Variants in CCDC158 observed in about 807,000 individuals in gnomAD.
CCDC158 encodes coiled-coil domain-containing protein 158.
A neutral mutation model predicts 138.6 loss-of-function variants in CCDC158; 116 were observed. The ratio of observed to expected loss-of-function variants is 0.84; its 90% CI spans 0.72 to 0.98. The LOEUF (loss-of-function observed/expected upper bound fraction) is 0.98. Ranked by LOEUF, CCDC158 falls within the 50% of genes least tolerant of loss-of-function variation. The pLI, the probability that CCDC158 is intolerant of heterozygous loss-of-function variation, is 0.00. For synonymous variants in CCDC158, 436 were observed against 442.4 expected, an observed-to-expected ratio of 0.99 and a Z score of 0.18; for missense variants, 1,265 against 1,306.1, an observed-to-expected ratio of 0.97 and a Z score of 0.48.
At chr4:76,383,541 A>G (rs1309018190) in intron 7 of CCDC158, 121 bp downstream of exon 7, 2 of 690,370 alleles carry the variant, frequency 2.9e-6, no homozygotes, top group African/African-American at 1.8e-5. Flanking sequence ...TGAGTTTCCT[A>G]TAAACCTATA....
At chr4:76,344,797 A>G (rs976976099) in intron 18 of CCDC158, 6 of 1,606,012 alleles carry the variant, frequency 3.7e-6, no homozygotes, top group Middle Eastern at 1.6e-4. Flanking sequence ...CCCGACTTCA[A>G]TGGTCCTCGA....
At chr4:76,323,453 C>A in intron 23 of CCDC158, 44 bp from the exon 24 acceptor site, 2 of 1,399,652 alleles carry the variant, frequency 1.4e-6, no homozygotes, top group South Asian at 1.4e-5. Context: ...GTCTACTCAA[C>A]ATTTCCTTTT....
intron 13 of CCDC158, among the ~76,000 whole-genome samples, chr4:76,358,033 TTA>T (rs1337487251): frequency 6.6e-6 from 1 of 152,016 alleles, no homozygotes; most frequent in East Asian, 1.9e-4. Context: ...ATGTATCTAT[TTA>T]TATGATTAGA....
intron 24 of CCDC158, among the ~76,000 whole-genome samples, chr4:76,321,330 G>A (rs1205537998): frequency 6.6e-6 from 1 of 151,996 alleles, no homozygotes; most frequent in East Asian, 1.9e-4. Flanking sequence ...CTGTAAACTA[G>A]TACAACAACT....
chr4:76,329,354 C>G (rs10001396), intron 21 of CCDC158, among the ~76,000 whole-genome samples: 93,570 of 151,862 alleles, frequency 0.62, 29,218 homozygotes, highest in East Asian at 0.78. Flanking sequence ...CGGAGGCTGA[C>G]GCAGGTGGAT....
chr4:76,328,756 G>A, intron 22 of CCDC158, 144 bp downstream of exon 22: 1 of 657,510 alleles, frequency 1.5e-6, no homozygotes, highest in Non-Finnish European at 2.8e-6. Context: ...GGATAAAACA[G>A]AATGCATGAA....
chr4:76,388,909 C>T (rs1220824576), intron 4 of CCDC158, among the ~76,000 whole-genome samples: 3 of 152,182 alleles, frequency 2.0e-5, no homozygotes, highest in Non-Finnish European at 4.4e-5. Context: ...ACCACCAAGG[C>T]AGTATCCCTA....
At position 76,357,499 on chromosome 4, in the gene CCDC158, A is replaced by G; in HGVS notation, c.2048T>C (p.Phe683Ser). 1 of 1,598,258 alleles carries G rather than the reference A, an allele frequency of 6.3e-7. No individual in the cohort carries two copies. Among genetic ancestry groups the G allele is most frequent in the Non-Finnish European group, 8.5e-7 (1 of 1,171,162 alleles). Residue 683 changes from phenylalanine to serine, a missense_variant, in exon 14 of 25, where the codon TTC becomes TCC. Coordinates refer to ENST00000682701, the MANE Select transcript of CCDC158 (RefSeq NM_001394954.1). Reference sequence around the variant, plus strand: ...TTCCATTTCTTCACTTTTGTTTCGGAAATTCCTTTTTAAGACTTCATACTC... The same window carrying G: ...TTCCATTTCTTCACTTTTGTTTCGGGAATTCCTTTTTAAGACTTCATACTC... ...SEEYEVLKRNFRNKSEEMEMT... is the reference protein window; with the variant it reads ...SEEYEVLKRNSRNKSEEMEMT...
In CCDC158 at chr4:76,357,472, A is replaced by G. The variant is rs1458837416; in HGVS notation, c.2075T>C (p.Met692Thr). Reference protein sequence around the residue: ...NFRNKSEEMEMTTNKLKMQLK... With the variant: ...NFRNKSEEMETTTNKLKMQLK... ...TTGCATTTTCAACTTATTTGTAGTC[A>G]TTTCCATTTCTTCACTTTTGTTTCG... is the stretch of plus-strand genomic sequence containing the variant. Residue 692 changes from methionine to threonine, a missense_variant, in exon 14 of 25, where the codon ATG becomes ACG. Physicochemically the swap from Met to Thr is moderately conservative, Grantham distance 81. Transcript: ENST00000682701. The G allele has an allele frequency of 1.9e-6, 3 of 1,604,710 alleles. No homozygotes were observed. Among genetic ancestry groups the G allele is most frequent in the South Asian group, 2.2e-5 (2 of 89,158 alleles).
At chr4:76,388,476 G>C (rs528975004) in intron 4 of CCDC158, among the ~76,000 whole-genome samples, 2 of 152,194 alleles carry the variant, frequency 1.3e-5, no homozygotes, top group African/African-American at 4.8e-5. Context: ...TAGTGGTGGT[G>C]GTAGCCACAG....
At chr4:76,377,879 A>G (rs1000272263) in intron 9 of CCDC158, among the ~76,000 whole-genome samples, 2 of 152,204 alleles carry the variant, frequency 1.3e-5, no homozygotes, top group African/African-American at 4.8e-5. Flanking sequence ...TATGAAATCA[A>G]TTTAGTGAGC....
intron 2 of CCDC158, among the ~76,000 whole-genome samples, chr4:76,408,838 T>C (rs958451870): frequency 2.0e-5 from 3 of 152,176 alleles, no homozygotes; most frequent in African/African-American, 7.2e-5. Flanking sequence ...CCACATCCTC[T>C]CCAGCACCTG....
chr4:76,396,369 G>GA lies in CCDC158; in HGVS notation c.187dup (p.Ser63PhefsTer3). ...AGGAGATGGGATGATTTTTCTAGGA[G>GA]AATCAAGTTCCACTTCATATTTAGG... On this transcript the variant is annotated frameshift_variant, in exon 4 of 25. Transcript: ENST00000682701. LOFTEE classifies it high-confidence loss of function. 6.2e-7 allele frequency: 1 copy of GA among 1,613,534 alleles called. No homozygotes were observed. Among genetic ancestry groups the GA allele is most frequent in the East Asian group, 2.2e-5 (1 of 44,850 alleles).
At chr4:76,345,344 C>T in intron 18 of CCDC158, 1 of 1,117,950 alleles carries the variant, frequency 8.9e-7, no homozygotes, top group Non-Finnish European at 1.4e-6. Context: ...AGAACTCAAA[C>T]AAAGCTCTGG....
In CCDC158 at chr4:76,329,537, T is replaced by A. The variant is rs532687858; in HGVS notation, c.2943-570A>T. Among the ~76,000 whole-genome samples, 4 of 152,234 alleles carry A rather than the reference T, an allele frequency of 2.6e-5. No homozygotes were observed. The East Asian group carries it at 7.7e-4, about 29-fold the overall frequency. On this transcript the variant is annotated intron_variant, in intron 21 of 24. Transcript: ENST00000682701. ...AGGCAGAGCTTGCAGTGAGCCGAGATCACGCCATTGCACTCCAGCCTGGGC... is the reference window on the plus strand; with the variant it reads ...AGGCAGAGCTTGCAGTGAGCCGAGAACACGCCATTGCACTCCAGCCTGGGC...
chr4:76,344,325 C>T (rs1161005874), intron 18 of CCDC158, among the ~76,000 whole-genome samples: 1 of 152,194 alleles, frequency 6.6e-6, no homozygotes, highest in Non-Finnish European at 1.5e-5. Context: ...CCAAGGAAAA[C>T]TACAAACCAC....
chr4:76,395,694 T>C (rs1727718131), intron 4 of CCDC158, among the ~76,000 whole-genome samples: 1 of 152,186 alleles, frequency 6.6e-6, no homozygotes, highest in Non-Finnish European at 1.5e-5. Context: ...GAGGCTAAAA[T>C]GTACCAGGGA....
chr4:76,342,802 C>T (rs1722181336), intron 18 of CCDC158, among the ~76,000 whole-genome samples: 1 of 152,114 alleles, frequency 6.6e-6, no homozygotes, highest in Admixed American at 6.6e-5. Flanking sequence ...ACTTACAGTA[C>T]CTGCACAGAA....
chr4:76,371,673 C>T (rs1401044802), intron 9 of CCDC158, 137 bp from the exon 10 acceptor site: 3 of 1,005,682 alleles, frequency 3.0e-6, no homozygotes, highest in Non-Finnish European at 4.3e-6. Flanking sequence ...TGCAGTGGCT[C>T]ATGCCTGTAA....
Sources: gnomAD v4.1 joint callset for allele counts (sites outside exome capture counted in the v4.1 genomes callset) on GRCh38, gnomAD v4.1.1 for gene constraint, MANE v1.5 for transcripts, NCBI Gene and HGNC (gene_info 2026-07-23, HGNC 2026-07-21) for gene names.